CCNY: variants seen among roughly 807,000 people sequenced by gnomAD.
CCNY encodes cyclin-Y.
CCNY carries 19 observed loss-of-function variants against 42.8 expected under a neutral mutation model. That is an observed-to-expected ratio of 0.44 (90% CI 0.31 to 0.65). The LOEUF is 0.65. Ranked by LOEUF, CCNY falls within the 30% of genes least tolerant of loss-of-function variation. CCNY has a pLI of 0.07. For missense variants in CCNY, 370 were observed against 437.3 expected (o/e 0.85, Z 1.37); for synonymous variants, 165 against 162.7 (o/e 1.01, Z -0.11).
rs1025664255 is a variant in CCNY at position 35,489,324 on chromosome 10, G to A, written c.229+5846G>A. ...TTTTGTTTTGTTTTGTTTTTGAGACGGAGTCTCGCTCTGTCGCTGAGGCTG... is the reference window on the plus strand; with the variant it reads ...TTTTGTTTTGTTTTGTTTTTGAGACAGAGTCTCGCTCTGTCGCTGAGGCTG... On this transcript the variant is annotated intron_variant, in intron 2 of 9. Coordinates refer to ENST00000374704, the MANE Select transcript of CCNY (RefSeq NM_145012.6). Among the ~76,000 whole-genome samples, 7 of 152,208 alleles carry A rather than the reference G, an allele frequency of 4.6e-5. No individual in the cohort carries two copies. In the East Asian group the frequency reaches 5.8e-4, roughly 13 times the overall value.
At chr10:35,262,107 C>T (rs920326410) in intron 3 of CCNY, among the ~76,000 whole-genome samples, 3 of 151,256 alleles carry the variant, frequency 2.0e-5, no homozygotes, top group Non-Finnish European at 4.4e-5. Context: ...ACTAAAAATA[C>T]AAAAATTACC....
At chr10:35,356,811 C>G (rs998906117) in intron 1 of CCNY, among the ~76,000 whole-genome samples, 1 of 152,230 alleles carries the variant, frequency 6.6e-6, no homozygotes, top group Admixed American at 6.5e-5. Flanking sequence ...ATAATCCTCT[C>G]TCTCTCTCCT....
intron 3 of CCNY, among the ~76,000 whole-genome samples, chr10:35,253,023 G>T (rs1042913466): frequency 2.6e-5 from 4 of 152,106 alleles, no homozygotes; most frequent in African/African-American, 9.7e-5. Flanking sequence ...GGCAAATGAG[G>T]ATATTTGCTT....
At chr10:35,374,597 G>A (rs780038554) in intron 1 of CCNY, among the ~76,000 whole-genome samples, 7 of 152,190 alleles carry the variant, frequency 4.6e-5, no homozygotes, top group Non-Finnish European at 1.0e-4. Flanking sequence ...GTGGGATATG[G>A]TTTCCTCATT....
At chr10:35,481,755 T>C (rs1029188993) in intron 1 of CCNY, among the ~76,000 whole-genome samples, 4 of 152,218 alleles carry the variant, frequency 2.6e-5, no homozygotes, top group African/African-American at 7.2e-5. Flanking sequence ...CATTTTGATA[T>C]GCAAAAGCCC....
At chr10:35,566,446 G>A (rs1841574214) in intron 9 of CCNY, among the ~76,000 whole-genome samples, 1 of 152,202 alleles carries the variant, frequency 6.6e-6, no homozygotes, top group African/African-American at 2.4e-5. Context: ...CCGAGTTAAA[G>A]CAATTCTGCT....
chr10:35,412,110 C>G (rs576018277), intron 1 of CCNY, among the ~76,000 whole-genome samples: 1 of 152,210 alleles, frequency 6.6e-6, no homozygotes, highest in Non-Finnish European at 1.5e-5. Context: ...ATGTTTGCCT[C>G]CATCTAATTG....
chr10:35,306,789 C>T (rs1484670945), intron 3 of CCNY, among the ~76,000 whole-genome samples: 1 of 152,064 alleles, frequency 6.6e-6, no homozygotes, highest in Non-Finnish European at 1.5e-5. Context: ...AGGAGTCATC[C>T]TGGCTTTTGT....
At chr10:35,416,193 G>GTGTGTT (rs541587787) in intron 1 of CCNY, among the ~76,000 whole-genome samples, 10 of 151,706 alleles carry the variant, frequency 6.6e-5, no homozygotes, top group Non-Finnish European at 2.9e-5. Context: ...GTGTGTGTGT[G>GTGTGTT]TCCTTGTAGG....
chr10:35,393,333 A>T (rs909014560), intron 1 of CCNY, among the ~76,000 whole-genome samples: 1 of 152,152 alleles, frequency 6.6e-6, no homozygotes, highest in African/African-American at 2.4e-5. Flanking sequence ...TTTTGTTGTC[A>T]TTGTCCTGAG....
intron 4 of CCNY, among the ~76,000 whole-genome samples, chr10:35,519,220 T>C (rs17602075): frequency 8.6e-4 from 103 of 119,894 alleles, no homozygotes; most frequent in East Asian, 3.1e-3. Context: ...CTGTGGGTAT[T>C]TGGATTTGTA....
At chr10:35,507,617 T>C (rs1225446115) in intron 3 of CCNY, among the ~76,000 whole-genome samples, 1 of 152,182 alleles carries the variant, frequency 6.6e-6, no homozygotes, top group East Asian at 1.9e-4. Context: ...ATTCCAGCAA[T>C]GTTAAGTGGC....
intron 3 of CCNY, among the ~76,000 whole-genome samples, chr10:35,506,502 T>C (rs192240913): frequency 5.9e-5 from 9 of 152,298 alleles, no homozygotes; most frequent in South Asian, 2.1e-4. Context: ...TCCTTAAGTG[T>C]ATTGGTTATG....
intron 1 of CCNY, among the ~76,000 whole-genome samples, chr10:35,404,375 C>G (rs1249143933): frequency 6.6e-6 from 1 of 152,038 alleles, no homozygotes; most frequent in Non-Finnish European, 1.5e-5. Context: ...TTAGGGAGAG[C>G]TAGTGTGGGG....
At chr10:35,366,896 A>G (rs557788765) in intron 1 of CCNY, among the ~76,000 whole-genome samples, 80 of 152,372 alleles carry the variant, frequency 5.3e-4, no homozygotes, top group Non-Finnish European at 2.4e-4. Context: ...AGTCTTCTGT[A>G]TTAGGCAGCA....
At chr10:35,415,731 G>A (rs1409061710) in intron 1 of CCNY, among the ~76,000 whole-genome samples, 2 of 152,172 alleles carry the variant, frequency 1.3e-5, no homozygotes, top group Non-Finnish European at 2.9e-5. Context: ...GCCTGGGTCA[G>A]GCTGAGGTTT....
intron 1 of CCNY, among the ~76,000 whole-genome samples, chr10:35,398,286 A>C (rs1231840586): frequency 6.6e-6 from 1 of 152,182 alleles, no homozygotes; most frequent in African/African-American, 2.4e-5. Flanking sequence ...GGACTGATGC[A>C]TTTTGCCAGA....
At chr10:35,526,339 A>T (rs2135419047) in intron 5 of CCNY, among the ~76,000 whole-genome samples, 1 of 152,350 alleles carries the variant, frequency 6.6e-6, no homozygotes, top group South Asian at 2.1e-4. Flanking sequence ...GTGCAACTTT[A>T]ACAGGAAAAA....
At chr10:35,282,921 C>T (rs1835314275) in intron 3 of CCNY, among the ~76,000 whole-genome samples, 1 of 151,980 alleles carries the variant, frequency 6.6e-6, no homozygotes, top group South Asian at 2.1e-4. Flanking sequence ...CTTAGTGCGC[C>T]CGAGAGAGTT....
Sources: allele counts gnomAD v4.1 joint callset (sites outside exome capture counted in the v4.1 genomes callset), GRCh38; gene constraint gnomAD v4.1.1; transcripts MANE v1.5; gene names NCBI Gene and HGNC (gene_info 2026-07-23, HGNC 2026-07-21).